The following PRTFDC1 variants were observed in gnomAD, a reference collection of about 807,000 sequenced individuals.
PRTFDC1 encodes the protein phosphoribosyl transferase domain containing 1.
A neutral mutation model predicts 34.6 loss-of-function variants in PRTFDC1; 38 were observed. The observed-to-expected ratio is 1.10, with a 90% CI of 0.85 to 1.44. The LOEUF (loss-of-function observed/expected upper bound fraction) is 1.44. Among genes scored for constraint, PRTFDC1 ranks in the 40% most tolerant of loss-of-function variants. The probability of loss-of-function intolerance (pLI) is 0.00; values close to 1 mark genes in which losing one functional copy is unlikely to be tolerated. For synonymous variants in PRTFDC1, 93 were observed against 98.1 expected (o/e 0.95, Z 0.31); for missense variants, 270 against 283.0 (o/e 0.95, Z 0.33).
intron 3 of PRTFDC1, among the ~76,000 whole-genome samples, chr10:24,923,059 G>T (rs6482459): frequency 0.32 from 49,189 of 152,112 alleles, 9,363 homozygotes; most frequent in African/African-American, 0.53. Flanking sequence ...CACAGCAGTC[G>T]GAAATCAACC....
chr10:24,854,049 T>C (rs892355919), intron 7 of PRTFDC1, among the ~76,000 whole-genome samples: 7 of 152,192 alleles, frequency 4.6e-5, no homozygotes, highest in African/African-American at 1.7e-4. Context: ...TAGAGAGCTA[T>C]TGTGTGGATG....
intron 3 of PRTFDC1, among the ~76,000 whole-genome samples, chr10:24,904,187 G>C (rs1444215322): frequency 2.0e-5 from 3 of 151,596 alleles, no homozygotes; most frequent in Non-Finnish European, 4.4e-5. Context: ...GGGAACAAAG[G>C]GAGTTGTTTC....
At chr10:24,880,851 C>CTTTCTTTCTT (rs1378975569) in intron 3 of PRTFDC1, among the ~76,000 whole-genome samples, 1 of 149,172 alleles carries the variant, frequency 6.7e-6, no homozygotes, top group African/African-American at 2.5e-5. Flanking sequence ...TTCTTTCTTT[C>CTTTCTTTCTT]TTTCTTTCTT....
At chr10:24,887,967 C>G (rs1848197915) in intron 3 of PRTFDC1, among the ~76,000 whole-genome samples, 2 of 152,136 alleles carry the variant, frequency 1.3e-5, no homozygotes, top group Admixed American at 1.3e-4. Context: ...CACTATATTG[C>G]TTAGGCTGGT....
intron 1 of PRTFDC1, among the ~76,000 whole-genome samples, chr10:24,943,341 T>C (rs573796033): frequency 1.3e-5 from 2 of 152,180 alleles, no homozygotes; most frequent in East Asian, 1.9e-4. Flanking sequence ...AATTGGCCTA[T>C]TCACATAGTG....
chr10:24,928,714 GATTAC>G (rs966253988), intron 3 of PRTFDC1, among the ~76,000 whole-genome samples: 8 of 151,750 alleles, frequency 5.3e-5, no homozygotes, highest in African/African-American at 1.9e-4. Flanking sequence ...AAAGTGCTGG[GATTAC>G]AGGTGTGAGC....
At chr10:24,881,056 C>A (rs1022233871) in intron 3 of PRTFDC1, among the ~76,000 whole-genome samples, 1 of 113,488 alleles carries the variant, frequency 8.8e-6, no homozygotes, top group African/African-American at 3.2e-5. Flanking sequence ...TCTTTCTTTT[C>A]TTTCCTTCCT....
At chr10:24,873,766 A>T (rs759898265) in intron 3 of PRTFDC1, among the ~76,000 whole-genome samples, 1 of 147,374 alleles carries the variant, frequency 6.8e-6, no homozygotes, top group Admixed American at 6.6e-5. Context: ...CTAGAAGTAC[A>T]GTTACTTTGT....
At chr10:24,877,010 CTTG>C (rs1298794693) in intron 3 of PRTFDC1, among the ~76,000 whole-genome samples, 1 of 152,086 alleles carries the variant, frequency 6.6e-6, no homozygotes, top group African/African-American at 2.4e-5. Flanking sequence ...TTCAACCAAC[CTTG>C]TTGTTTTTAT....
At chr10:24,938,392 C>T (rs1252833937) in intron 2 of PRTFDC1, among the ~76,000 whole-genome samples, 8 of 152,176 alleles carry the variant, frequency 5.3e-5, no homozygotes, top group Admixed American at 5.2e-4. Context: ...GCATTTAATT[C>T]TGAAAACCCT....
chr10:24,939,935 G>A, intron 2 of PRTFDC1, among the ~76,000 whole-genome samples: 1 of 151,908 alleles, frequency 6.6e-6, no homozygotes, highest in South Asian at 2.1e-4. Context: ...ATTTCAGACA[G>A]AGCAGACTTC....
At chr10:24,855,495 G>C in intron 6 of PRTFDC1, 131 bp from the exon 7 acceptor site, 3 of 1,071,840 alleles carry the variant, frequency 2.8e-6, no homozygotes, top group Non-Finnish European at 4.1e-6. Flanking sequence ...GATGGTTCTG[G>C]ATAAAAAGAA....
chr10:24,951,681 G>A (rs1402671669), intron 1 of PRTFDC1: 2 of 894,068 alleles, frequency 2.2e-6, no homozygotes, highest in Admixed American at 1.2e-4. Flanking sequence ...CCTGACACAA[G>A]TTATAACCAC....
At chr10:24,853,603 A>C (rs901895760) in intron 7 of PRTFDC1, among the ~76,000 whole-genome samples, 2 of 151,768 alleles carry the variant, frequency 1.3e-5, no homozygotes, top group Admixed American at 6.6e-5. Context: ...TCCGTCTCAA[A>C]TAATAATAAT....
intron 3 of PRTFDC1, among the ~76,000 whole-genome samples, chr10:24,878,788 A>C (rs1004092070): frequency 2.0e-5 from 3 of 152,188 alleles, no homozygotes; most frequent in Non-Finnish European, 4.4e-5. Context: ...CAGAAGAGGA[A>C]AAGTAAAGAA....
intron 3 of PRTFDC1, among the ~76,000 whole-genome samples, chr10:24,900,959 G>T (rs1848440499): frequency 6.6e-6 from 1 of 152,182 alleles, no homozygotes; most frequent in African/African-American, 2.4e-5. Flanking sequence ...TTTGCAATTA[G>T]ATTTTGAAAT....
At position 24,857,109 on chromosome 10, in the gene PRTFDC1, A is replaced by G; in HGVS notation, c.424-114T>C. On this transcript the variant is annotated intron_variant, in intron 5 of 8. Coordinates refer to ENST00000320152, the MANE Select transcript of PRTFDC1 (RefSeq NM_020200.7). ...GCATCGTAATTAAAAATGCCATCCAATTTGGAGCCACAGTAGGAGGAAGAG... is the reference window on the plus strand; with the variant it reads ...GCATCGTAATTAAAAATGCCATCCAGTTTGGAGCCACAGTAGGAGGAAGAG... 1.0e-5 allele frequency: 9 copies of G among 890,112 alleles called. 1 individual carries two copies. The highest frequency in any genetic ancestry group is 4.4e-4 in the Middle Eastern group (2 of 4,516). The allele number at this position is 890,112 out of a possible 1,614,324, so 55.1% of individuals were successfully genotyped here. A position where few individuals can be genotyped will look rare whatever the true frequency, so the allele number is the denominator to read the frequency against.
intron 3 of PRTFDC1, among the ~76,000 whole-genome samples, chr10:24,894,284 T>C (rs1848312966): frequency 7.1e-6 from 1 of 141,672 alleles, no homozygotes; most frequent in South Asian, 2.2e-4. Flanking sequence ...TGAGCCAAGA[T>C]CATGCTGCTG....
intron 6 of PRTFDC1, among the ~76,000 whole-genome samples, chr10:24,855,967 G>C (rs1208027158): frequency 6.7e-6 from 1 of 150,338 alleles, no homozygotes; most frequent in Non-Finnish European, 1.5e-5. Context: ...TACAAAAATT[G>C]GCTGGGCATG....
Sources: allele counts gnomAD v4.1 joint callset (sites outside exome capture counted in the v4.1 genomes callset), GRCh38; gene constraint gnomAD v4.1.1; transcripts MANE v1.5; gene names NCBI Gene and HGNC (gene_info 2026-07-23, HGNC 2026-07-21).